BTF3L4: variants seen among roughly 807,000 people sequenced by gnomAD.
BTF3L4 encodes transcription factor BTF3 homolog 4.
In BTF3L4, 6 loss-of-function variants were observed where a neutral mutation model predicts 16.8. The ratio of observed to expected loss-of-function variants is 0.36; its 90% CI spans 0.20 to 0.71. The LOEUF is 0.71. Ranked by LOEUF, BTF3L4 falls within the 30% of genes least tolerant of loss-of-function variation. The pLI is 0.58. For synonymous variants in BTF3L4, 39 were observed against 59.8 expected (o/e 0.65, Z 1.60); for missense variants, 92 against 186.9 (o/e 0.49, Z 2.96).
Position 52,079,669 on chromosome 1 carries a change from C to G in BTF3L4, c.169-3671C>G, listed in dbSNP as rs558094190. ...CAACATTTAGCCTTCAGAAGAGAAA[C>G]TTGAACATAAGAAAAAACTCCATGA... On this transcript the variant is annotated intron_variant, in intron 3 of 5. Coordinates refer to ENST00000313334, the MANE Select transcript of BTF3L4 (RefSeq NM_152265.5). Among the ~76,000 whole-genome samples, 31 of 152,134 alleles carry G rather than the reference C, an allele frequency of 2.0e-4. No homozygotes were observed. The South Asian group carries it at 2.9e-3, about 14-fold the overall frequency.
In BTF3L4 at chr1:52,087,243, T is replaced by G. The variant is rs533472006; in HGVS notation, c.*485T>G. The G allele has an allele frequency of 1.3e-5, 2 of 152,912 alleles. No homozygotes were observed. Among genetic ancestry groups the G allele is most frequent in the Admixed American group, 6.5e-5 (1 of 15,292 alleles). The allele number at this position is 152,912 out of a possible 1,614,324, so 9.5% of individuals were successfully genotyped here. The stretch of plus-strand genomic sequence containing the variant: ...TCAAATCTGAAGAGATTTTTACCAT[T>G]AGTGGTTTGATTTTAATTTGCTTGG... On this transcript the variant is annotated 3_prime_UTR_variant, in exon 6 of 6. Transcript: ENST00000313334.
chr1:52,065,653 G>A (rs1332323089), intron 3 of BTF3L4, among the ~76,000 whole-genome samples: 3 of 152,166 alleles, frequency 2.0e-5, no homozygotes, highest in Non-Finnish European at 4.4e-5. Flanking sequence ...ATTTTACAGA[G>A]CCTCATTAGT....
chr1:52,059,936 G>A (rs764706299), intron 2 of BTF3L4, 35 bp downstream of exon 2: 1 of 1,572,936 alleles, frequency 6.4e-7, no homozygotes, highest in East Asian at 2.3e-5. Flanking sequence ...ATAGGAGAAT[G>A]TATGATTACC....
At chr1:52,060,557 G>T in intron 2 of BTF3L4, 1 of 1,209,586 alleles carries the variant, frequency 8.3e-7, no homozygotes, top group Non-Finnish European at 1.1e-6. Context: ...ATTCTCTTCA[G>T]CTGTGGCACC....
At chr1:52,081,618 G>T (rs1050140565) in intron 3 of BTF3L4, among the ~76,000 whole-genome samples, 1 of 152,106 alleles carries the variant, frequency 6.6e-6, no homozygotes, top group Non-Finnish European at 1.5e-5. Context: ...TAACAAAACT[G>T]TAATTATCTT....
In BTF3L4 at chr1:52,062,504, C is replaced by T. The variant is rs117830229; in HGVS notation, c.55-2321C>T. ...TGTGAGCCACCGCGCTCGGCCGGTA[C>T]AGCTGTTCTTTAGTGTACGTAATGG... On this transcript the variant is annotated intron_variant, in intron 2 of 5. Transcript: ENST00000313334. Among the ~76,000 whole-genome samples, 13 of 152,118 alleles carry T rather than the reference C, an allele frequency of 8.5e-5. No homozygotes were observed. In the East Asian group the frequency reaches 2.3e-3, roughly 27 times the overall value.
chr1:52,085,740 C>T (rs1229524269), intron 4 of BTF3L4, among the ~76,000 whole-genome samples: 1 of 152,034 alleles, frequency 6.6e-6, no homozygotes, highest in African/African-American at 2.4e-5. Flanking sequence ...ATCTCAGCTA[C>T]TTGGGAGGCA....
chr1:52,065,979 G>A (rs1256158042), intron 3 of BTF3L4, among the ~76,000 whole-genome samples: 20 of 152,144 alleles, frequency 1.3e-4, no homozygotes, highest in Admixed American at 1.2e-3. Flanking sequence ...CGGAGGTTAC[G>A]GTGAGCCAAG....
At chr1:52,069,985 A>T (rs10788937) in intron 3 of BTF3L4, among the ~76,000 whole-genome samples, 1 of 152,156 alleles carries the variant, frequency 6.6e-6, no homozygotes, top group East Asian at 1.9e-4. Context: ...GGGAGGCCAA[A>T]GCAGGTGGAT....
intron 3 of BTF3L4, among the ~76,000 whole-genome samples, chr1:52,067,139 G>A (rs1486080919): frequency 2.6e-5 from 4 of 152,174 alleles, no homozygotes; most frequent in Non-Finnish European, 5.9e-5. Flanking sequence ...GGGAGGCTGA[G>A]GCAGGAGAAT....
At chr1:52,073,855 G>A (rs981385780) in intron 3 of BTF3L4, among the ~76,000 whole-genome samples, 14 of 151,838 alleles carry the variant, frequency 9.2e-5, no homozygotes, top group African/African-American at 3.1e-4. Context: ...AAAATTAGCC[G>A]GGCGTGGTGG....
chr1:52,089,267 A>G lies in BTF3L4; in HGVS notation c.*2509A>G, dbSNP rs973515731. The G allele has an allele frequency of 6.6e-6, 1 of 152,130 alleles. No homozygotes were observed. The highest frequency in any genetic ancestry group is 2.4e-5 in the African/African-American group (1 of 41,438). The allele number at this position is 152,130 out of a possible 1,614,324, so 9.4% of individuals were successfully genotyped here. A position where few individuals can be genotyped will look rare whatever the true frequency, so the allele number is the denominator to read the frequency against. ...TTATCTAGAGGATCTCTGGCCAAGT[A>G]TTCCCTTTTATTGTATTGATAACAA... On this transcript the variant is annotated 3_prime_UTR_variant, in exon 6 of 6. Coordinates refer to ENST00000313334, the MANE Select transcript of BTF3L4 (RefSeq NM_152265.5).
intron 3 of BTF3L4, among the ~76,000 whole-genome samples, chr1:52,072,508 C>T (rs79070007): frequency 0.073 from 11,117 of 152,084 alleles, 504 homozygotes; most frequent in African/African-American, 0.13. Context: ...CCTTGGTAAC[C>T]GCCAATCTAC....
At chr1:52,083,659 A>G in intron 4 of BTF3L4, 118 bp downstream of exon 4, 1 of 787,608 alleles carries the variant, frequency 1.3e-6, no homozygotes, top group South Asian at 1.8e-5. Flanking sequence ...TACTTTCTAT[A>G]AAGTTATTTC....
At chr1:52,071,378 CT>C (rs1322384824) in intron 3 of BTF3L4, 1 of 152,184 alleles carries the variant, frequency 6.6e-6, no homozygotes, top group Non-Finnish European at 1.5e-5. Context: ...CTAAGTTGCT[CT>C]TCTATAATAT....
At chr1:52,059,082 C>G (rs970007514) in intron 1 of BTF3L4, among the ~76,000 whole-genome samples, 1 of 151,936 alleles carries the variant, frequency 6.6e-6, no homozygotes. Context: ...CTGCCCCCCC[C>G]CAACATTTAT....
At position 52,064,969 on chromosome 1, in the gene BTF3L4, G is replaced by A. The variant is rs78052646; in HGVS notation, c.168+31G>A. 2.8e-3 allele frequency: 3,733 copies of A among 1,314,440 alleles called. 73 individuals are homozygous for A. The African/African-American group carries it at 0.046, about 16-fold the overall frequency. The allele number at this position is 1,314,440 out of a possible 1,614,324, so 81.4% of individuals were successfully genotyped here. A position where few individuals can be genotyped will look rare whatever the true frequency, so the allele number is the denominator to read the frequency against. On this transcript the variant is annotated intron_variant, in intron 3 of 5. Transcript: ENST00000313334. ...ATCACTTTGCAAGTTGTTAAATTGT[G>A]TGGGTACATGCACAAATAATTGTCT...
At chr1:52,080,499 A>G (rs1475719595) in intron 3 of BTF3L4, among the ~76,000 whole-genome samples, 1 of 132,074 alleles carries the variant, frequency 7.6e-6, no homozygotes, top group Non-Finnish European at 1.6e-5. Flanking sequence ...GAAGCATTTT[A>G]GAAATCTTTG....
intron 3 of BTF3L4, among the ~76,000 whole-genome samples, chr1:52,066,502 A>G (rs1558005673): frequency 6.9e-6 from 1 of 145,026 alleles, no homozygotes; most frequent in East Asian, 2.4e-4. Flanking sequence ...GCACCCAGCC[A>G]GTTCCATCTG....
Sources: gnomAD v4.1 joint callset for allele counts (sites outside exome capture counted in the v4.1 genomes callset) on GRCh38, gnomAD v4.1.1 for gene constraint, MANE v1.5 for transcripts, NCBI Gene and HGNC (gene_info 2026-07-23, HGNC 2026-07-21) for gene names.